The following GPC5 variants were observed in gnomAD, a reference collection of about 807,000 sequenced individuals.
GPC5 encodes glypican 5.
GPC5 carries 47 observed loss-of-function variants against 53.9 expected under a neutral mutation model. That is an observed-to-expected ratio of 0.87 (90% confidence interval 0.69 to 1.11). The LOEUF is 1.11. GPC5 is among the 50% of genes most tolerant of loss of function. The pLI is 0.00. For missense variants in GPC5, 748 were observed against 713.1 expected (o/e 1.05, Z -0.56); for synonymous variants, 286 against 263.3 (o/e 1.09, Z -0.84).
intron 7 of GPC5, among the ~76,000 whole-genome samples, chr13:92,233,465 A>G (rs995800333): frequency 6.6e-6 from 1 of 152,202 alleles, no homozygotes; most frequent in Non-Finnish European, 1.5e-5. Flanking sequence ...ATAGGAACAA[A>G]TAAGCTGTTG....
intron 1 of GPC5, among the ~76,000 whole-genome samples, chr13:91,423,830 A>AAATGTGAG (rs1335360767): frequency 7.2e-5 from 11 of 152,342 alleles, no homozygotes; most frequent in African/African-American, 2.6e-4. Context: ...TTTTGTGCTC[A>AAATGTGAG]CATTGTAGCC....
intron 7 of GPC5, among the ~76,000 whole-genome samples, chr13:92,189,195 A>G (rs994461878): frequency 3.3e-5 from 5 of 152,206 alleles, no homozygotes; most frequent in Non-Finnish European, 7.3e-5. Flanking sequence ...GGAGAAAAGG[A>G]ACCATTTAAA....
intron 7 of GPC5, among the ~76,000 whole-genome samples, chr13:92,263,251 A>T (rs1160286062): frequency 6.6e-6 from 1 of 152,192 alleles, no homozygotes; most frequent in Non-Finnish European, 1.5e-5. Context: ...ATGTGAATAA[A>T]AGTTGTCACT....
chr13:92,674,565 T>C (rs1886867575), intron 7 of GPC5, among the ~76,000 whole-genome samples: 1 of 19,212 alleles, frequency 5.2e-5, no homozygotes, highest in Admixed American at 7.9e-4. Context: ...CATGAAGCTC[T>C]TCTTGAAGCA....
chr13:92,490,135 G>C (rs1023646127), intron 7 of GPC5: 1 of 154,330 alleles, frequency 6.5e-6, no homozygotes, highest in African/African-American at 2.4e-5. Flanking sequence ...AATTGTTCTC[G>C]GTTCTTTGTG....
chr13:92,289,485 C>A (rs1225421864), intron 7 of GPC5, among the ~76,000 whole-genome samples: 1 of 151,924 alleles, frequency 6.6e-6, no homozygotes, highest in Non-Finnish European at 1.5e-5. Flanking sequence ...CATTTAATAA[C>A]TTTTAAAATA....
intron 2 of GPC5, among the ~76,000 whole-genome samples, chr13:91,589,535 C>T (rs1030899522): frequency 1.1e-4 from 16 of 152,142 alleles, no homozygotes; most frequent in African/African-American, 3.6e-4. Context: ...ATGACTCTCA[C>T]TACTTCAGGT....
chr13:92,839,283 A>G (rs962602590), intron 7 of GPC5, among the ~76,000 whole-genome samples: 7 of 152,212 alleles, frequency 4.6e-5, no homozygotes, highest in African/African-American at 7.2e-5. Context: ...AAGTTATCCA[A>G]TGTTTGACTG....
intron 7 of GPC5, among the ~76,000 whole-genome samples, chr13:92,798,722 C>T (rs1368604968): frequency 4.6e-5 from 7 of 151,800 alleles, no homozygotes; most frequent in African/African-American, 1.2e-4. Flanking sequence ...TCAAATCAGG[C>T]TGTTGCAATT....
At position 91,902,790 on chromosome 13, in the gene GPC5, A is replaced by G. The variant is rs1168580355; in HGVS notation, c.1281-5147A>G. The stretch of plus-strand genomic sequence containing the variant: ...TTTTTGCATGCAAATTAAAGCCTTC[A>G]GGGAAGTGAGGTTTTATATCAGACT... On this transcript the variant is annotated intron_variant, in intron 5 of 7. Coordinates refer to ENST00000377067, the MANE Select transcript of GPC5 (RefSeq NM_004466.6). Among the ~76,000 whole-genome samples the G allele has an allele frequency of 2.0e-5, 3 of 152,172 alleles. No individual in the cohort carries two copies. The East Asian group carries it at 5.8e-4, about 29-fold the overall frequency.
At chr13:92,070,488 T>C (rs1488313148) in intron 6 of GPC5, among the ~76,000 whole-genome samples, 1 of 152,230 alleles carries the variant, frequency 6.6e-6, no homozygotes, top group African/African-American at 2.4e-5. Context: ...AATGAGGTCT[T>C]CCCAGATGAT....
At chr13:92,109,381 A>G (rs1281005274) in intron 6 of GPC5, among the ~76,000 whole-genome samples, 8 of 152,030 alleles carry the variant, frequency 5.3e-5, no homozygotes, top group Non-Finnish European at 1.2e-4. Flanking sequence ...CAACACATCT[A>G]TCATCAGATC....
At chr13:91,979,544 T>C (rs561990769) in intron 6 of GPC5, among the ~76,000 whole-genome samples, 1 of 152,314 alleles carries the variant, frequency 6.6e-6, no homozygotes, top group Admixed American at 6.5e-5. Context: ...GAGAAAGACT[T>C]ATATCTGCAG....
intron 2 of GPC5, among the ~76,000 whole-genome samples, chr13:91,620,359 G>A (rs1310265942): frequency 6.6e-6 from 1 of 152,044 alleles, no homozygotes; most frequent in Non-Finnish European, 1.5e-5. Flanking sequence ...GAGTCTATGT[G>A]CTTTTACTGT....
Position 92,472,284 on chromosome 13 carries a change from T to C in GPC5, c.1561+327295T>C, listed in dbSNP as rs550286933. On this transcript the variant is annotated intron_variant, in intron 7 of 7. Transcript: ENST00000377067. ...CCCCTTCTCTTTCCAGGAATATTTA[T>C]TGGAAGTTTAATCTCTTTCCACTTT... Among the ~76,000 whole-genome samples, 14 of 152,268 alleles carry C rather than the reference T, an allele frequency of 9.2e-5. No individual in the cohort carries two copies. In the East Asian group the frequency reaches 2.5e-3, roughly 27 times the overall value.
chr13:91,802,026 G>A (rs987955417), intron 5 of GPC5, among the ~76,000 whole-genome samples: 2 of 150,828 alleles, frequency 1.3e-5, no homozygotes, highest in African/African-American at 2.4e-5. Context: ...TTCAATCACA[G>A]AACTATTTAT....
chr13:91,507,661 A>C (rs928354787), intron 2 of GPC5, among the ~76,000 whole-genome samples: 14 of 152,288 alleles, frequency 9.2e-5, no homozygotes, highest in African/African-American at 2.9e-4. Context: ...CACAGAGCCA[A>C]ACAATATCAC....
intron 7 of GPC5, among the ~76,000 whole-genome samples, chr13:92,815,953 C>T (rs1331310338): frequency 6.6e-6 from 1 of 151,784 alleles, no homozygotes; most frequent in Non-Finnish European, 1.5e-5. Context: ...ATTAAACATC[C>T]AGTTGGAGAT....
At chr13:91,849,706 T>C (rs2038892241) in intron 5 of GPC5, among the ~76,000 whole-genome samples, 1 of 152,202 alleles carries the variant, frequency 6.6e-6, no homozygotes, top group South Asian at 2.1e-4. Context: ...CTATTGAGCT[T>C]TTGATCGAGG....
Sources: allele counts gnomAD v4.1 joint callset (sites outside exome capture counted in the v4.1 genomes callset), GRCh38; gene constraint gnomAD v4.1.1; transcripts MANE v1.5; gene names NCBI Gene and HGNC (gene_info 2026-07-23, HGNC 2026-07-21).